Variants in PDZRN3 observed in about 807,000 individuals in gnomAD.
The protein encoded by PDZRN3 is E3 ubiquitin-protein ligase PDZRN3.
A neutral mutation model predicts 85.7 loss-of-function variants in PDZRN3; 38 were observed. The observed-to-expected ratio is 0.44, with a 90% CI of 0.34 to 0.58. PDZRN3 has a LOEUF of 0.58. PDZRN3 is among the 20% of genes least tolerant of loss of function. The pLI, the probability that PDZRN3 is intolerant of heterozygous loss-of-function variation, is 0.01. For synonymous variants in PDZRN3, 759 were observed against 638.0 expected (o/e 1.19, Z -2.86); for missense variants, 1,629 against 1,506.4 (o/e 1.08, Z -1.35).
intron 3 of PDZRN3, among the ~76,000 whole-genome samples, chr3:73,537,912 C>T (rs1035823909): frequency 3.3e-5 from 5 of 151,994 alleles, no homozygotes; most frequent in Admixed American, 6.6e-5. Context: ...AGGAGTGAAC[C>T]GTTGTGCCTG....
chr3:73,428,071 T>C (rs1702353422), intron 3 of PDZRN3, among the ~76,000 whole-genome samples: 1 of 152,128 alleles, frequency 6.6e-6, no homozygotes, highest in African/African-American at 2.4e-5. Flanking sequence ...AGGTGGGTTC[T>C]GGGTCTTGAA....
At chr3:73,425,906 C>T (rs530741836) in intron 3 of PDZRN3, among the ~76,000 whole-genome samples, 3 of 152,214 alleles carry the variant, frequency 2.0e-5, no homozygotes, top group African/African-American at 7.2e-5. Flanking sequence ...CAGAAAGAGG[C>T]CCCTGCTCAA....
chr3:73,391,366 T>C (rs919431835), intron 5 of PDZRN3, among the ~76,000 whole-genome samples: 17 of 152,076 alleles, frequency 1.1e-4, no homozygotes, highest in Admixed American at 9.2e-4. Flanking sequence ...CAAAGAAAAA[T>C]TACCCATATT....
chr3:73,420,773 T>G (rs1295174630), intron 3 of PDZRN3, among the ~76,000 whole-genome samples: 10 of 152,168 alleles, frequency 6.6e-5, no homozygotes. Flanking sequence ...ATTGGCCTAT[T>G]AGACAATAGA....
intron 3 of PDZRN3, among the ~76,000 whole-genome samples, chr3:73,563,013 A>ATATATATATTTATATTTT (rs1187151191): frequency 2.3e-5 from 1 of 43,782 alleles, no homozygotes; most frequent in Non-Finnish European, 3.7e-5. Context: ...ATATATATAT[A>ATATATATATTTATATTTT]TTTTTTTTTT....
intron 3 of PDZRN3, among the ~76,000 whole-genome samples, chr3:73,565,365 T>G (rs575317155): frequency 1.3e-5 from 2 of 152,074 alleles, no homozygotes; most frequent in African/African-American, 4.8e-5. Context: ...CCTGACCTTG[T>G]GATCCGCCCG....
At chr3:73,483,224 A>G (rs555224255) in intron 3 of PDZRN3, among the ~76,000 whole-genome samples, 1 of 152,356 alleles carries the variant, frequency 6.6e-6, no homozygotes, top group East Asian at 1.9e-4. Flanking sequence ...AAGAGGCTTC[A>G]TTTTGAAGCA....
intron 3 of PDZRN3, among the ~76,000 whole-genome samples, chr3:73,452,839 C>CTATGTGTGTGTG (rs1553690746): frequency 2.1e-4 from 29 of 140,718 alleles, no homozygotes; most frequent in African/African-American, 7.5e-4. Context: ...GTCCATATAT[C>CTATGTGTGTGTG]TGTGTGTGTG....
rs147600092 is a variant in PDZRN3 at position 73,561,014 on chromosome 3, C to T, written c.918+41340G>A. Among the ~76,000 whole-genome samples, 261 of 152,276 alleles carry T rather than the reference C, an allele frequency of 1.7e-3. 1 individual carries two copies. The highest frequency in any genetic ancestry group is 5.9e-3 in the African/African-American group (247 of 41,566). The stretch of plus-strand genomic sequence containing the variant: ...TATGTAAACAGCTCTTCTGGGGAAA[C>T]CATGTAAAAATTAAATGAATTTGCC... On this transcript the variant is annotated intron_variant, in intron 3 of 9. Coordinates refer to ENST00000263666, the MANE Select transcript of PDZRN3 (RefSeq NM_015009.3).
intron 3 of PDZRN3, among the ~76,000 whole-genome samples, chr3:73,442,160 A>T (rs769108462): frequency 6.6e-6 from 1 of 152,128 alleles, no homozygotes; most frequent in African/African-American, 2.4e-5. Context: ...ACCTGCCTCA[A>T]CCCTTGGATA....
intron 3 of PDZRN3, among the ~76,000 whole-genome samples, chr3:73,469,076 T>C (rs1039334523): frequency 1.3e-5 from 2 of 151,680 alleles, no homozygotes; most frequent in African/African-American, 4.8e-5. Flanking sequence ...AAAAGATTCA[T>C]CTTTTTTTTT....
chr3:73,458,823 C>T (rs1445217293), intron 3 of PDZRN3, among the ~76,000 whole-genome samples: 1 of 151,422 alleles, frequency 6.6e-6, no homozygotes, highest in Non-Finnish European at 1.5e-5. Flanking sequence ...AACCCCATCT[C>T]TACTAAAAAT....
chr3:73,569,423 T>G (rs1702009871), intron 3 of PDZRN3: 1 of 1,152,526 alleles, frequency 8.7e-7, no homozygotes, highest in African/African-American at 1.6e-5. Flanking sequence ...ATTTCCTGTC[T>G]CTTCCATGTC....
Position 73,387,956 on chromosome 3 carries a change from A to G in PDZRN3, c.1518+12T>C, listed in dbSNP as rs767272652. ...ATATAGACCCAGTTTCATCTGTAGG[A>G]AGCCAATTTACCTGGAGTTCAGGCC... is the stretch of plus-strand genomic sequence containing the variant. On this transcript the variant is annotated intron_variant, in intron 8 of 9. Transcript: ENST00000263666. The G allele has an allele frequency of 7.6e-7, 1 of 1,320,776 alleles. No individual in the cohort carries two copies. The highest frequency in any genetic ancestry group is 1.8e-5 in the Admixed American group (1 of 54,908). The allele number at this position is 1,320,776 out of a possible 1,614,324, so 81.8% of individuals were successfully genotyped here. A position where few individuals can be genotyped will look rare whatever the true frequency, so the allele number is the denominator to read the frequency against.
chr3:73,439,675 C>T (rs899796193), intron 3 of PDZRN3, among the ~76,000 whole-genome samples: 1 of 152,126 alleles, frequency 6.6e-6, no homozygotes, highest in Non-Finnish European at 1.5e-5. Flanking sequence ...GCTGTGAGTG[C>T]AGTTTTTGTT....
intron 3 of PDZRN3, among the ~76,000 whole-genome samples, chr3:73,507,207 C>T (rs981077746): frequency 2.0e-5 from 3 of 152,154 alleles, no homozygotes; most frequent in East Asian, 1.9e-4. Flanking sequence ...TCGCTCTTGT[C>T]CCCCAAGCTG....
chr3:73,574,452 T>TGGGGGGGGGGGG (rs776864460), intron 3 of PDZRN3, among the ~76,000 whole-genome samples: 1 of 23,644 alleles, frequency 4.2e-5, no homozygotes, highest in Non-Finnish European at 7.8e-5. Context: ...TTTTTTTGGC[T>TGGGGGGGGGGGG]GGGGTGGGGG....
At chr3:73,512,476 T>C (rs1205157303) in intron 3 of PDZRN3, among the ~76,000 whole-genome samples, 1 of 152,150 alleles carries the variant, frequency 6.6e-6, no homozygotes, top group Non-Finnish European at 1.5e-5. Flanking sequence ...CCTGGAAACA[T>C]AAAACCCAAT....
chr3:73,404,418 G>A (rs779213651), intron 3 of PDZRN3, 23 bp from the exon 4 acceptor site: 15 of 1,603,442 alleles, frequency 9.4e-6, no homozygotes, highest in African/African-American at 8.1e-5. Flanking sequence ...ATTTAGGGTG[G>A]GACAAGGTTA....
Sources: allele counts gnomAD v4.1 joint callset (sites outside exome capture counted in the v4.1 genomes callset), GRCh38; gene constraint gnomAD v4.1.1; transcripts MANE v1.5; gene names NCBI Gene and HGNC (gene_info 2026-07-23, HGNC 2026-07-21).